Variants in DNAH1 observed in about 807,000 individuals in gnomAD.
DNAH1 encodes the protein dynein axonemal heavy chain 1.
Under a neutral mutation model 484.3 loss-of-function variants are expected in DNAH1, and 327 were observed. The observed-to-expected ratio is 0.68, with a 90% confidence interval of 0.62 to 0.74. The LOEUF (loss-of-function observed/expected upper bound fraction) is 0.74, where lower values mean the gene tolerates loss of function less well. Among genes scored for constraint, DNAH1 ranks in the 30% least tolerant of loss-of-function variants. DNAH1 has a pLI of 0.00. For synonymous variants in DNAH1, 2,192 were observed against 2,191.9 expected (o/e 1.00, Z 0.00); for missense variants, 5,052 against 5,546.8 (o/e 0.91, Z 2.83).
At chr3:52,327,056 A>G (rs755655767) in intron 5 of DNAH1, among the ~76,000 whole-genome samples, 165 bp downstream of exon 5, 2 of 150,722 alleles carry the variant, frequency 1.3e-5, no homozygotes, top group Admixed American at 6.6e-5. Flanking sequence ...TACTTTGAGC[A>G]TCCTAGATGG....
chr3:52,373,707 T>C, intron 44 of DNAH1: 2 of 1,366,518 alleles, frequency 1.5e-6, no homozygotes, highest in Middle Eastern at 1.8e-4. Context: ...ATGTCAGTGT[T>C]GCGTCCTTTT....
In DNAH1 at chr3:52,360,099, C is replaced by T; in HGVS notation, c.4571+20C>T. ...GCTGAGGTGAGGACATGGGGGGCGC[C>T]CCCAGGGCCAGAGCAGCTGCCAGGA... On this transcript the variant is annotated intron_variant, in intron 27 of 77. Transcript: ENST00000420323. 6.2e-7 allele frequency: 1 copy of T among 1,613,550 alleles called. No homozygotes were observed. Among genetic ancestry groups the T allele is most frequent in the Non-Finnish European group, 8.5e-7 (1 of 1,179,770 alleles).
intron 36 of DNAH1, 72 bp downstream of exon 36, chr3:52,366,959 C>T: frequency 6.6e-7 from 1 of 1,526,380 alleles, no homozygotes; most frequent in East Asian, 2.3e-5. Context: ...TGCGGTCACC[C>T]CTCCCTCCAT....
chr3:52,396,303 G>A, intron 70 of DNAH1, 65 bp from the exon 71 acceptor site: 1 of 1,505,666 alleles, frequency 6.6e-7, no homozygotes, highest in Non-Finnish European at 8.9e-7. Context: ...GGGCAGGAGG[G>A]AGCCTGGTGT....
chr3:52,391,608 G>A lies in DNAH1; in HGVS notation c.10052+5G>A. ...CAACTTCACCCTGTCGCCCAGGTGA[G>A]CCCCCACTCTTGGGGACGCCCAAGC... On this transcript the variant is annotated splice_donor_5th_base_variant and intron_variant, in intron 63 of 77. Coordinates refer to ENST00000420323, the MANE Select transcript of DNAH1 (RefSeq NM_015512.5). 6.2e-7 allele frequency: 1 copy of A among 1,613,510 alleles called. No homozygotes were observed. Among genetic ancestry groups the A allele is most frequent in the Non-Finnish European group, 8.5e-7 (1 of 1,179,800 alleles).
In DNAH1 at chr3:52,379,777, C is replaced by T. The variant is rs536958329; in HGVS notation, c.7378-128C>T. 79 of 792,486 alleles carry T rather than the reference C, an allele frequency of 1.0e-4. 1 individual carries two copies. The South Asian group carries it at 1.4e-3, about 14-fold the overall frequency. 49.1% of individuals were successfully genotyped at this position (792,486 alleles called of 1,614,324 possible). ...CAGCCCCCACACACTGTCCCTGGGCCATGGTGGGAGAGCCAGGCTCCAGTC... is the reference window on the plus strand; with the variant it reads ...CAGCCCCCACACACTGTCCCTGGGCTATGGTGGGAGAGCCAGGCTCCAGTC... On this transcript the variant is annotated intron_variant, in intron 47 of 77. Transcript: ENST00000420323. This position sits in a 1 kb window ranked among gnomAD's most constrained non-coding sequence, Gnocchi z 4.4.
chr3:52,311,069 A>G, the DNAH1 span, among the ~76,000 whole-genome samples: 478 of 152,298 alleles, frequency 3.1e-3, 1 homozygote, highest in African/African-American at 0.011. Flanking sequence ...ACTTGGCCCT[A>G]AGGGACTTTC....
Position 52,400,353 on chromosome 3 carries a change from C to A in DNAH1, c.12705C>A (p.Thr4235=). The change falls in exon 78 of 78, where the codon ACC becomes ACA. Residue 4235 remains threonine (T), a synonymous_variant. Transcript: ENST00000420323. ...AGTLSTTGHS[T]NYVIAVEIPT... is the part of the protein sequence containing the mutation. ...CACTATCAACCACAGGACACTCTAC[C>A]AACTATGTCATTGCTGTGGAGATCC... The A allele has an allele frequency of 6.2e-7, 1 of 1,614,010 alleles. No homozygotes were observed. The highest frequency in any genetic ancestry group is 8.5e-7 in the Non-Finnish European group (1 of 1,179,888).
Position 52,398,985 on chromosome 3 carries a change from G to A in DNAH1, c.12225G>A (p.Trp4075Ter). 6.2e-7 allele frequency: 1 copy of A among 1,613,946 alleles called. No individual in the cohort carries two copies. Among genetic ancestry groups the A allele is most frequent in the Non-Finnish European group, 8.5e-7 (1 of 1,179,860 alleles). ...SLYNNTVPEL[W>*]SAKAYPSLKP... ...ACAACAATACTGTGCCTGAGCTCTG[G>A]AGTGCCAAGGCCTACCCATCGCTCA... Residue 4075 changes from tryptophan to a stop codon, truncating the protein, a stop_gained, in exon 76 of 78, where the codon TGG becomes TGA. Coordinates refer to ENST00000420323, the MANE Select transcript of DNAH1 (RefSeq NM_015512.5). LOFTEE classifies it high-confidence loss of function.
Position 52,350,022 on chromosome 3 carries a change from A to G in DNAH1, c.2560A>G (p.Ile854Val). 1 of 1,613,128 alleles carries G rather than the reference A, an allele frequency of 6.2e-7. No individual in the cohort carries two copies. Among genetic ancestry groups the G allele is most frequent in the South Asian group, 1.1e-5 (1 of 90,760 alleles). Residue 854 changes from isoleucine (I) to valine (V), a missense_variant, in exon 15 of 78, where the codon ATC becomes GTC. This residue lies in a region of DNAH1 where 1,263 missense variants were observed against 1,218.8 expected (regional missense o/e 1.04). Transcript: ENST00000420323. ...GGAGTTCCGCAGCATCAGCCGCAAG[A>G]TCTATGAGAAGCCCAACAGCATTGA... is the stretch of plus-strand genomic sequence containing the variant. ...CEEFRSISRK[I>V]YEKPNSIEEL...
At chr3:52,385,158 G>A (rs994126069) in intron 53 of DNAH1, among the ~76,000 whole-genome samples, 179 bp from the exon 54 acceptor site, 2 of 152,240 alleles carry the variant, frequency 1.3e-5, no homozygotes, top group South Asian at 2.1e-4. Flanking sequence ...AGGCCAAAGC[G>A]TGGCACCCCA....
chr3:52,326,816 G>T lies in DNAH1; in HGVS notation c.663G>T (p.Arg221Ser). ...QGIDSNKLMP[R>S]HLDHQHPQTI... The stretch of plus-strand genomic sequence containing the variant: ...TCGACTCCAACAAGCTCATGCCCAG[G>T]CACCTGGACCACCAGCACCCCCAAA... Residue 221 changes from arginine (R) to serine (S), a missense_variant, in exon 5 of 78, where the codon AGG becomes AGT. Coordinates refer to ENST00000420323, the MANE Select transcript of DNAH1 (RefSeq NM_015512.5). The T allele has an allele frequency of 6.2e-7, 1 of 1,613,650 alleles. No homozygotes were observed. The highest frequency in any genetic ancestry group is 1.7e-4 in the Middle Eastern group (1 of 6,058).
intron 8 of DNAH1, among the ~76,000 whole-genome samples, chr3:52,343,995 G>A (rs1702044943): frequency 6.6e-6 from 1 of 152,244 alleles, no homozygotes; most frequent in African/African-American, 2.4e-5. Flanking sequence ...GTGAAGTGCA[G>A]GGGTCACCCA....
rs779052485 is a variant in DNAH1, at chr3:52,394,700, G to A, written c.10823+39G>A. The A allele has an allele frequency of 1.1e-5, 17 of 1,541,276 alleles. No individual in the cohort carries two copies. In the East Asian group the frequency reaches 1.4e-4, roughly 12 times the overall value. ...CAGAATATGGCAGGATGAGCCCATC[G>A]AGGGGATGAGTCCCTAGGAAAGGCT... On this transcript the variant is annotated intron_variant, in intron 67 of 77. Coordinates refer to ENST00000420323, the MANE Select transcript of DNAH1 (RefSeq NM_015512.5).
chr3:52,359,997 G>A lies in DNAH1; in HGVS notation c.4489G>A (p.Val1497Ile). The A allele has an allele frequency of 4.3e-6, 7 of 1,613,948 alleles. No homozygotes were observed. The highest frequency in any genetic ancestry group is 5.9e-6 in the Non-Finnish European group (7 of 1,179,898). Reference sequence around the variant, plus strand: ...GCTGTCAGCGCTAATCGTCATTGAGGTCCATGCCAAGGACGTGGTGAGCAA... The same window carrying A: ...GCTGTCAGCGCTAATCGTCATTGAGATCCATGCCAAGGACGTGGTGAGCAA... ...AVLSALIVIE[V>I]HAKDVVSKLI... Residue 1497 changes from valine to isoleucine, a missense_variant, in exon 27 of 78, where the codon GTC becomes ATC. By Grantham distance (29) the Val-to-Ile change is conservative (BLOSUM62 3). Coordinates refer to ENST00000420323, the MANE Select transcript of DNAH1 (RefSeq NM_015512.5).
intron 66 of DNAH1, 21 bp downstream of exon 66, chr3:52,393,506 G>A: frequency 3.1e-6 from 5 of 1,612,934 alleles, no homozygotes; most frequent in Non-Finnish European, 4.2e-6. Flanking sequence ...AGACACCCAG[G>A]ACAGACTGCC....
rs963552743 is a variant in DNAH1, at chr3:52,331,295, G to C, written c.1019G>C (p.Gly340Ala). 1.0e-5 allele frequency: 16 copies of C among 1,607,500 alleles called. No homozygotes were observed. The highest frequency in any genetic ancestry group is 1.4e-5 in the Non-Finnish European group (16 of 1,177,308). Residue 340 changes from glycine to alanine, a missense_variant, in exon 7 of 78, where the codon GGG becomes GCG. By Grantham distance (60) the Gly-to-Ala change is moderately conservative. Transcript: ENST00000420323. ...ATGGGGAGGCCCATCCTGAATGCAG[G>C]GGTCACCACTGAAGGTATGAGGTCC... ...DEMGRPILNA[G>A]VTTEGRPPLQ...
In DNAH1 at chr3:52,356,040, A is replaced by G. The variant is rs530230847; in HGVS notation, c.3694-574A>G. 5.7e-4 allele frequency among the ~76,000 whole-genome samples: 87 copies of G among 152,344 alleles called. 4 individuals carry two copies. In the South Asian group the frequency reaches 0.017, roughly 29 times the overall value. ...CCTGACACTGCTGACTGTGACCCCC[A>G]TCCCATGAGGAAGAAATGGATGAGT... On this transcript the variant is annotated intron_variant, in intron 21 of 77. Transcript: ENST00000420323.
Position 52,352,532 on chromosome 3 carries a change from C to T in DNAH1, c.2872-20C>T. 2 of 1,602,258 alleles carry T rather than the reference C, an allele frequency of 1.2e-6. No individual in the cohort carries two copies. The highest frequency in any genetic ancestry group is 1.7e-6 in the Non-Finnish European group (2 of 1,171,156). On this transcript the variant is annotated intron_variant, in intron 17 of 77. Transcript: ENST00000420323. ...AGTGGGGCTGCAGGGGCATCTGACCCATTGCTCCTTGGCCTGCAGCTGGTA... is the reference window on the plus strand; with the variant it reads ...AGTGGGGCTGCAGGGGCATCTGACCTATTGCTCCTTGGCCTGCAGCTGGTA...
Sources: allele counts gnomAD v4.1 joint callset (sites outside exome capture counted in the v4.1 genomes callset), GRCh38; gene constraint gnomAD v4.1.1; regional missense constraint gnomAD v4.1.1; non-coding constraint Gnocchi (gnomAD v3.1); transcripts MANE v1.5; gene names NCBI Gene and HGNC (gene_info 2026-07-23, HGNC 2026-07-21).